The following MAPKAPK5 variants were observed in gnomAD, a reference collection of about 807,000 sequenced individuals.
The protein encoded by MAPKAPK5 is MAPK activated protein kinase 5, also known as MAP kinase-activated protein kinase 5.
Under a neutral mutation model 65.1 loss-of-function variants are expected in MAPKAPK5, and 30 were observed. The observed-to-expected ratio is 0.46, with a 90% CI of 0.34 to 0.63. MAPKAPK5 has a LOEUF of 0.63. MAPKAPK5 is among the 20% of genes least tolerant of loss of function. The probability of loss-of-function intolerance (pLI) is 0.01; values close to 1 mark genes in which losing one functional copy is unlikely to be tolerated. For missense variants in MAPKAPK5, 433 were observed against 581.4 expected (o/e 0.74, Z 2.63); for synonymous variants, 179 against 204.6 (o/e 0.87, Z 1.07).
intron 8 of MAPKAPK5, among the ~76,000 whole-genome samples, chr12:111,881,401 TC>T (rs1478169269): frequency 1.3e-4 from 14 of 107,970 alleles, no homozygotes; most frequent in Non-Finnish European, 1.6e-4. Flanking sequence ...TCCTGTCTGT[TC>T]CTTTTTTTTT....
rs556221275 is a variant in MAPKAPK5 at position 111,864,804 on chromosome 12, C to G, written c.37-446C>G. 3.3e-5 allele frequency among the ~76,000 whole-genome samples: 5 copies of G among 152,002 alleles called. No individual in the cohort carries two copies. The East Asian group carries it at 9.7e-4, about 29-fold the overall frequency. On this transcript the variant is annotated intron_variant, in intron 1 of 13. Transcript: ENST00000550735. ...TAAGTCTCAGTTTATTCAGTTATTC[C>G]AATAATGTAATCAACTTGTTCAGGG...
At chr12:111,862,346 A>G (rs909112975) in intron 1 of MAPKAPK5, among the ~76,000 whole-genome samples, 11 of 152,196 alleles carry the variant, frequency 7.2e-5, no homozygotes, top group Non-Finnish European at 2.9e-5. Context: ...CAAAACTCCA[A>G]TCAGAGTCTC....
chr12:111,868,975 C>A, intron 5 of MAPKAPK5, 114 bp downstream of exon 5: 1 of 760,180 alleles, frequency 1.3e-6, no homozygotes, highest in South Asian at 1.8e-5. Context: ...CTTCTCATTG[C>A]CTGCTTTGTT....
rs528320270 is a variant in MAPKAPK5 at position 111,901,235 on chromosome 12, C to T, written c.*8174C>T. The T allele has an allele frequency of 3.7e-5, 17 of 455,992 alleles. No individual in the cohort carries two copies. The highest frequency in any genetic ancestry group is 2.0e-4 in the African/African-American group (10 of 50,180). The allele number at this position is 455,992 out of a possible 1,614,324, so 28.2% of individuals were successfully genotyped here. A position where few individuals can be genotyped will look rare whatever the true frequency, so the allele number is the denominator to read the frequency against. ...TGAATTCCGCCTGCACAGATAAAAC[C>T]CCAGTGATTTCTGCCTGCAACCCAG... On this transcript the variant is annotated 3_prime_UTR_variant, in exon 14 of 14. Transcript: ENST00000550735.
Position 111,900,407 on chromosome 12 carries a change from C to T in MAPKAPK5, c.*7346C>T. 2.2e-6 allele frequency: 1 copy of T among 456,090 alleles called. No homozygotes were observed. Among genetic ancestry groups the T allele is most frequent in the South Asian group, 1.5e-5 (1 of 64,562 alleles). The allele number at this position is 456,090 out of a possible 1,614,324, so 28.3% of individuals were successfully genotyped here. On this transcript the variant is annotated 3_prime_UTR_variant, in exon 14 of 14. Coordinates refer to ENST00000550735, the MANE Select transcript of MAPKAPK5 (RefSeq NM_003668.4). ...GTATTCAGCACGACCACTCGGCCTGCTTTTGTAAAGATAAGCACTTTTGCC... is the reference window on the plus strand; with the variant it reads ...GTATTCAGCACGACCACTCGGCCTGTTTTTGTAAAGATAAGCACTTTTGCC...
At chr12:111,892,745 T>G (rs1369886720) in intron 13 of MAPKAPK5, among the ~76,000 whole-genome samples, 1 of 152,206 alleles carries the variant, frequency 6.6e-6, no homozygotes, top group African/African-American at 2.4e-5. Context: ...GGTTTGCTTG[T>G]GTGTTGTGAG....
intron 1 of MAPKAPK5, among the ~76,000 whole-genome samples, chr12:111,845,761 A>G (rs2068888809): frequency 6.6e-6 from 1 of 151,988 alleles, no homozygotes; most frequent in South Asian, 2.1e-4. Context: ...CGTCTCTACT[A>G]AAAATACAAA....
At chr12:111,864,594 A>G (rs2069544523) in intron 1 of MAPKAPK5, among the ~76,000 whole-genome samples, 1 of 152,236 alleles carries the variant, frequency 6.6e-6, no homozygotes, top group Non-Finnish European at 1.5e-5. Flanking sequence ...TGCAATAGTT[A>G]GCCAAGAATT....
At chr12:111,884,169 A>G (rs1284482760) in intron 9 of MAPKAPK5, among the ~76,000 whole-genome samples, 2 of 152,160 alleles carry the variant, frequency 1.3e-5, no homozygotes, top group Non-Finnish European at 2.9e-5. Context: ...TGCTGTGGTT[A>G]TGTGGGTTTG....
In MAPKAPK5 at chr12:111,894,766, A is replaced by ATGTGTGTGTGTGTGTGTGTGTGTG. The variant is rs1555276322; in HGVS notation, c.*1708_*1731dup. ...CCATAACAAACCAATTTTCGTGTATATGTGTGTGTGTGTGTGTGTGTGTGT... is the reference window on the plus strand; with the variant it reads ...CCATAACAAACCAATTTTCGTGTATATGTGTGTGTGTGTGTGTGTGTGTGTGTGTGTGTGTGTGTGTGTGTGTGT... On this transcript the variant is annotated 3_prime_UTR_variant, in exon 14 of 14. Transcript: ENST00000550735. 3 of 146,022 alleles carry ATGTGTGTGTGTGTGTGTGTGTGTG rather than the reference A, an allele frequency of 2.1e-5. No homozygotes were observed. The highest frequency in any genetic ancestry group is 5.2e-5 in the African/African-American group (2 of 38,396). 9.0% of individuals were successfully genotyped at this position (146,022 alleles called of 1,614,324 possible). A position where few individuals can be genotyped will look rare whatever the true frequency, so the allele number is the denominator to read the frequency against.
chr12:111,869,249 G>A (rs1382835884), intron 5 of MAPKAPK5, among the ~76,000 whole-genome samples: 1 of 152,222 alleles, frequency 6.6e-6, no homozygotes, highest in East Asian at 1.9e-4. Flanking sequence ...TGTATTTTAA[G>A]AGAATTGTAC....
intron 1 of MAPKAPK5, among the ~76,000 whole-genome samples, chr12:111,845,308 A>G (rs1483357027): frequency 6.6e-6 from 1 of 151,774 alleles, no homozygotes; most frequent in Non-Finnish European, 1.5e-5. Flanking sequence ...TGTTATTGCT[A>G]TTTTGTTGTT....
At position 111,898,361 on chromosome 12, in the gene MAPKAPK5, G is replaced by T. The variant is rs1380812333; in HGVS notation, c.*5300G>T. 1 of 152,064 alleles carries T rather than the reference G, an allele frequency of 6.6e-6. No homozygotes were observed. The highest frequency in any genetic ancestry group is 1.5e-5 in the Non-Finnish European group (1 of 68,064). The allele number at this position is 152,064 out of a possible 1,614,324, so 9.4% of individuals were successfully genotyped here. On this transcript the variant is annotated 3_prime_UTR_variant, in exon 14 of 14. Transcript: ENST00000550735. Reference sequence around the variant, plus strand: ...TTTTTGCATTTTTAGTAGGGACAGGGTTTCACCATGCTGGCCAGGCTGGTC... The same window carrying T: ...TTTTTGCATTTTTAGTAGGGACAGGTTTTCACCATGCTGGCCAGGCTGGTC...
At chr12:111,874,338 T>C (rs2069882308) in intron 7 of MAPKAPK5, among the ~76,000 whole-genome samples, 1 of 151,748 alleles carries the variant, frequency 6.6e-6, no homozygotes, top group African/African-American at 2.4e-5. Flanking sequence ...GAGGCTGCAG[T>C]TAGTCGAGAT....
chr12:111,859,672 T>C (rs2069364577), intron 1 of MAPKAPK5, among the ~76,000 whole-genome samples: 1 of 148,112 alleles, frequency 6.8e-6, no homozygotes, highest in Non-Finnish European at 1.5e-5. Context: ...TTTTTGAGAC[T>C]GAGTTTCGCT....
chr12:111,852,310 T>C (rs1449929275), intron 1 of MAPKAPK5, among the ~76,000 whole-genome samples: 2 of 152,236 alleles, frequency 1.3e-5, no homozygotes, highest in African/African-American at 2.4e-5. Context: ...TCACCTCTTC[T>C]ACCTCTGCTG....
At position 111,883,351 on chromosome 12, in the gene MAPKAPK5, G is replaced by C. The variant is rs144935782; in HGVS notation, c.661-230G>C. On this transcript the variant is annotated intron_variant, in intron 8 of 13. Coordinates refer to ENST00000550735, the MANE Select transcript of MAPKAPK5 (RefSeq NM_003668.4). This position sits in a 1 kb window ranked among gnomAD's most constrained non-coding sequence, Gnocchi z 4.8. ...GCTGAGATTACGCCACTGCACTCCAGCCTGGGCAACAGAGCAAGACTCTGT... is the reference window on the plus strand; with the variant it reads ...GCTGAGATTACGCCACTGCACTCCACCCTGGGCAACAGAGCAAGACTCTGT... 0.099 allele frequency among the ~76,000 whole-genome samples: 15,136 copies of C among 152,136 alleles called. 893 individuals are homozygous for C. The highest frequency in any genetic ancestry group is 0.29 in the South Asian group (1,406 of 4,812).
rs1470472926 is a variant in MAPKAPK5, at chr12:111,883,840, A to G, written c.848+72A>G. ...TGGTGGAGCACAAGGGAATGTGGGTAGAGAAAAGTCACTGGTTTCCTAGGC... is the reference window on the plus strand; with the variant it reads ...TGGTGGAGCACAAGGGAATGTGGGTGGAGAAAAGTCACTGGTTTCCTAGGC... On this transcript the variant is annotated intron_variant, in intron 9 of 13. Transcript: ENST00000550735. The surrounding 1 kb of genome is among the most constrained non-coding windows in gnomAD (Gnocchi z 4.8). The G allele has an allele frequency of 1.3e-6, 2 of 1,485,392 alleles. No homozygotes were observed. Among genetic ancestry groups the G allele is most frequent in the East Asian group, 4.6e-5 (2 of 43,846 alleles). 92.0% of individuals were successfully genotyped at this position (1,485,392 alleles called of 1,614,324 possible). A position where few individuals can be genotyped will look rare whatever the true frequency, so the allele number is the denominator to read the frequency against.
In MAPKAPK5 at chr12:111,901,581, C is replaced by T; in HGVS notation, c.*8520C>T. On this transcript the variant is annotated 3_prime_UTR_variant, in exon 14 of 14. Coordinates refer to ENST00000550735, the MANE Select transcript of MAPKAPK5 (RefSeq NM_003668.4). ...CCGGCAGAAGCTCCTCCAGCAGTGG[C>T]TCCACCACCGGCCCCAGAAATAAAG... is the stretch of plus-strand genomic sequence containing the variant. 3.2e-6 allele frequency: 1 copy of T among 312,426 alleles called. No homozygotes were observed. Among genetic ancestry groups the T allele is most frequent in the African/African-American group, 2.2e-5 (1 of 45,494 alleles). The allele number at this position is 312,426 out of a possible 1,614,324, so 19.4% of individuals were successfully genotyped here. A position where few individuals can be genotyped will look rare whatever the true frequency, so the allele number is the denominator to read the frequency against.
Sources: gnomAD v4.1 joint callset for allele counts (sites outside exome capture counted in the v4.1 genomes callset) on GRCh38, gnomAD v4.1.1 for gene constraint, Gnocchi (gnomAD v3.1) non-coding constraint, MANE v1.5 for transcripts, NCBI Gene and HGNC (gene_info 2026-07-23, HGNC 2026-07-21) for gene names.